The following PDE9A variants were observed in gnomAD, a reference collection of about 807,000 sequenced individuals.
PDE9A encodes phosphodiesterase 9A.
PDE9A carries 60 observed loss-of-function variants against 87.4 expected under a neutral mutation model. That is an observed-to-expected ratio of 0.69 (90% CI 0.56 to 0.85). The LOEUF (loss-of-function observed/expected upper bound fraction) is 0.85, where lower values mean the gene tolerates loss of function less well. Among genes scored for constraint, PDE9A ranks in the 40% least tolerant of loss-of-function variants. The pLI is 0.00. For missense variants in PDE9A, 665 were observed against 779.0 expected (o/e 0.85, Z 1.74); for synonymous variants, 272 against 279.4 (o/e 0.97, Z 0.27).
At chr21:42,766,795 G>A (rs1434980912) in intron 15 of PDE9A, among the ~76,000 whole-genome samples, 1 of 152,178 alleles carries the variant, frequency 6.6e-6, no homozygotes, top group African/African-American at 2.4e-5. Flanking sequence ...TCTAAGATAT[G>A]AGGAAGGCAG....
intron 4 of PDE9A, among the ~76,000 whole-genome samples, chr21:42,728,615 G>A (rs1274639849): frequency 6.6e-6 from 1 of 151,994 alleles, no homozygotes; most frequent in Non-Finnish European, 1.5e-5. Flanking sequence ...AGTGATTTTT[G>A]TATCTATATT....
intron 1 of PDE9A, among the ~76,000 whole-genome samples, chr21:42,670,323 C>CACACAT (rs1310799547): frequency 1.3e-5 from 1 of 74,354 alleles, no homozygotes; most frequent in African/African-American, 1.2e-4. Flanking sequence ...ACCACACTCA[C>CACACAT]ATTCACACAC....
chr21:42,747,980 C>T (rs1270348908), intron 8 of PDE9A, among the ~76,000 whole-genome samples: 1 of 152,176 alleles, frequency 6.6e-6, no homozygotes, highest in Non-Finnish European at 1.5e-5. Context: ...CAGCGGAGCG[C>T]AGAGAGAGGG....
chr21:42,770,833 G>A lies in PDE9A; in HGVS notation c.1686+35G>A, dbSNP rs375777862. 310 of 1,531,102 alleles carry A rather than the reference G, an allele frequency of 2.0e-4. 2 individuals are homozygous for A. In the South Asian group the frequency reaches 2.4e-3, roughly 12 times the overall value. The allele number at this position is 1,531,102 out of a possible 1,614,324, so 94.8% of individuals were successfully genotyped here. ...ACTGAGAAGAGCCTGCCTTCCTTGCGGCAAGCAGGCACGCTGCCCTCCGCA... is the reference window on the plus strand; with the variant it reads ...ACTGAGAAGAGCCTGCCTTCCTTGCAGCAAGCAGGCACGCTGCCCTCCGCA... On this transcript the variant is annotated intron_variant, in intron 18 of 19. Transcript: ENST00000291539.
chr21:42,690,805 C>T (rs2059784356), intron 3 of PDE9A, among the ~76,000 whole-genome samples: 1 of 152,112 alleles, frequency 6.6e-6, no homozygotes, highest in Non-Finnish European at 1.5e-5. Context: ...CCAACTTACC[C>T]CTGTACCCAC....
At chr21:42,738,597 A>G (rs1395203947) in intron 7 of PDE9A, among the ~76,000 whole-genome samples, 1 of 152,128 alleles carries the variant, frequency 6.6e-6, no homozygotes, top group Non-Finnish European at 1.5e-5. Flanking sequence ...CCCCAAAGCC[A>G]GCGTCTGTCA....
chr21:42,698,951 T>G lies in PDE9A; in HGVS notation c.219-17T>G. The G allele has an allele frequency of 6.2e-7, 1 of 1,607,762 alleles. No individual in the cohort carries two copies. The highest frequency in any genetic ancestry group is 8.5e-7 in the Non-Finnish European group (1 of 1,174,516). On this transcript the variant is annotated splice_polypyrimidine_tract_variant and intron_variant, in intron 3 of 19. Coordinates refer to ENST00000291539, the MANE Select transcript of PDE9A (RefSeq NM_002606.3). The stretch of plus-strand genomic sequence containing the variant: ...GCCTTGCAGAGTCTCACAGCGGCAC[T>G]GTCTTCTCTTTTGCAGCACTCCGTA...
At chr21:42,752,959 G>A (rs1451888699) in intron 9 of PDE9A, among the ~76,000 whole-genome samples, 3 of 152,166 alleles carry the variant, frequency 2.0e-5, no homozygotes, top group African/African-American at 7.2e-5. Flanking sequence ...GGTGGTATCT[G>A]AATTTATGCC....
At chr21:42,719,584 G>A (rs1035054440) in intron 4 of PDE9A, among the ~76,000 whole-genome samples, 1 of 150,664 alleles carries the variant, frequency 6.6e-6, no homozygotes, top group Admixed American at 6.7e-5. Flanking sequence ...AGGTTGCAGT[G>A]AGCCGAGATG....
chr21:42,775,278 A>C lies in PDE9A; in HGVS notation c.1769-2A>C. The C allele has an allele frequency of 6.2e-7, 1 of 1,612,104 alleles. No homozygotes were observed. The highest frequency in any genetic ancestry group is 8.5e-7 in the Non-Finnish European group (1 of 1,179,222). ...AATCAGTCATCGTTTCCCTTCTTCC[A>C]GGAGACTGTGCCTGAGGAAAGCGGG... On this transcript the variant is annotated splice_acceptor_variant, in intron 19 of 19. Transcript: ENST00000291539. LOFTEE classifies it high-confidence loss of function.
intron 19 of PDE9A, among the ~76,000 whole-genome samples, chr21:42,773,444 C>G (rs1269160685): frequency 6.6e-6 from 1 of 152,182 alleles, no homozygotes; most frequent in Non-Finnish European, 1.5e-5. Context: ...GCATTTTCCT[C>G]TGTACTTGTT....
rs1044646846 is a variant in PDE9A, at chr21:42,716,000, G to A, written c.263-15770G>A. Among the ~76,000 whole-genome samples, 11 of 151,878 alleles carry A rather than the reference G, an allele frequency of 7.2e-5. 1 individual carries two copies. The South Asian group carries it at 1.5e-3, about 20-fold the overall frequency. On this transcript the variant is annotated intron_variant, in intron 4 of 19. Coordinates refer to ENST00000291539, the MANE Select transcript of PDE9A (RefSeq NM_002606.3). ...AATGTCACATAGTTGGAGTCATACA[G>A]AATAAAGCCTCTTCAGGTTTTCTTT...
At chr21:42,755,729 C>CGCAGACAGTTAGA (rs903984187) in intron 10 of PDE9A, among the ~76,000 whole-genome samples, 4 of 152,168 alleles carry the variant, frequency 2.6e-5, no homozygotes, top group African/African-American at 9.7e-5. Context: ...AAGTAGACAC[C>CGCAGACAGTTAGA]GCAGACAGTT....
intron 4 of PDE9A, among the ~76,000 whole-genome samples, chr21:42,711,999 T>C (rs2049384779): frequency 6.6e-6 from 1 of 152,184 alleles, no homozygotes; most frequent in Non-Finnish European, 1.5e-5. Context: ...GTGTTCTTCC[T>C]CTGCATTTGT....
intron 8 of PDE9A, among the ~76,000 whole-genome samples, chr21:42,745,573 C>A (rs548216756): frequency 6.6e-6 from 1 of 152,362 alleles, no homozygotes; most frequent in South Asian, 2.1e-4. Context: ...AGGCTGGGAC[C>A]CGGCTTGGCA....
At chr21:42,726,624 A>ATATATATATTTTTTTTTT in intron 4 of PDE9A, among the ~76,000 whole-genome samples, 3 of 19,778 alleles carry the variant, frequency 1.5e-4, no homozygotes, top group Non-Finnish European at 1.5e-4. Flanking sequence ...ATATATATAT[A>ATATATATATTTTTTTTTT]TTTTTTTTTT....
chr21:42,667,830 C>T (rs2058112466), intron 1 of PDE9A, among the ~76,000 whole-genome samples: 1 of 152,034 alleles, frequency 6.6e-6, no homozygotes, highest in South Asian at 2.1e-4. Context: ...CCCACTTGGC[C>T]CTTCTCAAGG....
intron 4 of PDE9A, among the ~76,000 whole-genome samples, chr21:42,717,286 G>T: frequency 7.1e-6 from 1 of 140,700 alleles, no homozygotes; most frequent in African/African-American, 2.6e-5. Flanking sequence ...TTGCTGATTG[G>T]AACATGCCTT....
At chr21:42,771,365 C>T (rs1203894807) in intron 18 of PDE9A, among the ~76,000 whole-genome samples, 1 of 152,214 alleles carries the variant, frequency 6.6e-6, no homozygotes, top group Admixed American at 6.5e-5. Flanking sequence ...AGCCTCAGGG[C>T]CCACGCAGTC....
Sources: allele counts gnomAD v4.1 joint callset (sites outside exome capture counted in the v4.1 genomes callset), GRCh38; gene constraint gnomAD v4.1.1; transcripts MANE v1.5; gene names NCBI Gene and HGNC (gene_info 2026-07-23, HGNC 2026-07-21).